Variants in PCNX2 observed in about 807,000 individuals in gnomAD.
The protein encoded by PCNX2 is pecanex 2.
Under a neutral mutation model 223.8 loss-of-function variants are expected in PCNX2, and 168 were observed. The observed-to-expected ratio is 0.75, with a 90% CI of 0.66 to 0.85. PCNX2 has a LOEUF of 0.85. Ranked by LOEUF, PCNX2 falls within the 40% of genes least tolerant of loss-of-function variation. The pLI is 0.00. For missense variants in PCNX2, 2,507 were observed against 2,675.5 expected, an observed-to-expected ratio of 0.94 and a Z score of 1.39; for synonymous variants, 1,006 against 1,052.6, an observed-to-expected ratio of 0.96 and a Z score of 0.86.
chr1:233,196,203 A>T (rs2102887141), intron 15 of PCNX2, among the ~76,000 whole-genome samples: 1 of 152,286 alleles, frequency 6.6e-6, no homozygotes. Context: ...CACAAAAATC[A>T]TCTCAAAAGA....
chr1:233,195,362 C>T (rs573922118), intron 15 of PCNX2, among the ~76,000 whole-genome samples: 34 of 152,302 alleles, frequency 2.2e-4, no homozygotes, highest in African/African-American at 7.7e-4. Context: ...TAACTTCATA[C>T]TTAATGGTGA....
At chr1:233,093,107 T>C (rs775892217) in intron 22 of PCNX2, among the ~76,000 whole-genome samples, 1 of 152,098 alleles carries the variant, frequency 6.6e-6, no homozygotes, top group Non-Finnish European at 1.5e-5. Context: ...CCAGAAAACA[T>C]CAATTATTAA....
At chr1:233,144,970 CT>C (rs71173253) in intron 19 of PCNX2, among the ~76,000 whole-genome samples, 2,759 of 112,862 alleles carry the variant, frequency 0.024, 38 homozygotes, top group African/African-American at 0.13. Flanking sequence ...TTTTTTGTTT[CT>C]TTTTTTTTTT....
At chr1:233,229,910 G>T (rs924325390) in intron 9 of PCNX2, among the ~76,000 whole-genome samples, 1 of 151,998 alleles carries the variant, frequency 6.6e-6, no homozygotes, top group Admixed American at 6.6e-5. Context: ...TATCAAAGAA[G>T]CCCAGAGTTA....
rs1259187214 is a variant in PCNX2 at position 233,016,778 on chromosome 1, A to G, written c.4839+143T>C. ...TCCTATTTAATTTTGCTTACCTTCA[A>G]TAAACATCTGTCCAAATAGTGCTTT... On this transcript the variant is annotated intron_variant, in intron 27 of 33. Transcript: ENST00000258229. 3 of 1,421,686 alleles carry G rather than the reference A, an allele frequency of 2.1e-6. No homozygotes were observed. In the South Asian group the frequency reaches 4.8e-5, roughly 23 times the overall value. 88.1% of individuals were successfully genotyped at this position (1,421,686 alleles called of 1,614,324 possible).
the PCNX2 span, among the ~76,000 whole-genome samples, chr1:233,309,296 C>T: frequency 6.6e-6 from 1 of 152,220 alleles, no homozygotes; most frequent in Admixed American, 6.5e-5. Context: ...AATCCCATGG[C>T]TTTGGGAGGC....
chr1:233,114,678 A>G (rs1347925883), intron 21 of PCNX2, among the ~76,000 whole-genome samples: 1 of 152,220 alleles, frequency 6.6e-6, no homozygotes, highest in Non-Finnish European at 1.5e-5. Flanking sequence ...CAGCGGTCAC[A>G]GAAAACTCTG....
At chr1:233,087,443 G>A (rs1199825545) in intron 23 of PCNX2, among the ~76,000 whole-genome samples, 1 of 152,176 alleles carries the variant, frequency 6.6e-6, no homozygotes, top group Non-Finnish European at 1.5e-5. Flanking sequence ...CAGGATAAAT[G>A]ACGTTAACTG....
intron 19 of PCNX2, among the ~76,000 whole-genome samples, chr1:233,142,283 A>G (rs77624737): frequency 1.1e-3 from 163 of 152,284 alleles, no homozygotes; most frequent in Middle Eastern, 3.4e-3. Context: ...GTAAAAAAAA[A>G]TCTTCAAGAC....
At chr1:233,303,115 GCA>G in the PCNX2 span, among the ~76,000 whole-genome samples, 6 of 148,952 alleles carry the variant, frequency 4.0e-5, no homozygotes, top group Non-Finnish European at 8.9e-5. Flanking sequence ...AAATACAAAT[GCA>G]CACACACACA....
chr1:232,990,114 G>GA lies in PCNX2; in HGVS notation c.5792-3575dup, dbSNP rs1308009826. ...TTTTACTTAACTAGAAGGAGGGTGA[G>GA]AAGGAGGCCAGAGACTGAAATCAAA... On this transcript the variant is annotated intron_variant, in intron 32 of 33. Coordinates refer to ENST00000258229, the MANE Select transcript of PCNX2 (RefSeq NM_014801.4). This position sits in a 1 kb window ranked among gnomAD's most constrained non-coding sequence, Gnocchi z 4.3. Among the ~76,000 whole-genome samples, 1 of 152,234 alleles carries GA rather than the reference G, an allele frequency of 6.6e-6. No homozygotes were observed. The highest frequency in any genetic ancestry group is 1.5e-5 in the Non-Finnish European group (1 of 68,036).
At chr1:233,226,767 G>A (rs926191225) in intron 10 of PCNX2, among the ~76,000 whole-genome samples, 1 of 152,186 alleles carries the variant, frequency 6.6e-6, no homozygotes, top group East Asian at 1.9e-4. Context: ...CAAGGTGTCC[G>A]GGAAAGAGGC....
At chr1:233,054,185 CA>C in intron 25 of PCNX2, 82 bp downstream of exon 25, 1 of 1,288,822 alleles carries the variant, frequency 7.8e-7, no homozygotes, top group East Asian at 2.5e-5. Context: ...TCCTGTTTAA[CA>C]GTGACTTCTT....
chr1:233,049,928 C>CT (rs1671942270), intron 25 of PCNX2, among the ~76,000 whole-genome samples: 1 of 151,932 alleles, frequency 6.6e-6, no homozygotes, highest in Non-Finnish European at 1.5e-5. Context: ...TAAAAGATCT[C>CT]TACAAAGAGA....
At chr1:233,066,028 C>T (rs1367851177) in intron 23 of PCNX2, among the ~76,000 whole-genome samples, 1 of 152,220 alleles carries the variant, frequency 6.6e-6, no homozygotes, top group Non-Finnish European at 1.5e-5. Context: ...TGCACTCCCC[C>T]ATTCCGAGCC....
intron 1 of PCNX2, among the ~76,000 whole-genome samples, chr1:233,270,631 A>T (rs1389152590): frequency 6.6e-6 from 1 of 152,236 alleles, no homozygotes; most frequent in Non-Finnish European, 1.5e-5. Flanking sequence ...CCTGCAAAGT[A>T]AGATGAACAA....
chr1:233,195,900 T>G (rs955995040), intron 15 of PCNX2, among the ~76,000 whole-genome samples: 1 of 152,114 alleles, frequency 6.6e-6, no homozygotes, highest in African/African-American at 2.4e-5. Context: ...TTTTGCAAAT[T>G]TTGGTAGGAA....
intron 22 of PCNX2, among the ~76,000 whole-genome samples, chr1:233,090,886 A>C (rs1246468120): frequency 6.6e-6 from 1 of 152,232 alleles, no homozygotes; most frequent in African/African-American, 2.4e-5. Flanking sequence ...GTAATTGCTC[A>C]ATATTAAACT....
At chr1:233,320,661 T>C in the PCNX2 span, among the ~76,000 whole-genome samples, 13,611 of 152,236 alleles carry the variant, frequency 0.089, 636 homozygotes, top group South Asian at 0.12. Flanking sequence ...AAACCATTGT[T>C]AATGAACTTT....
Sources: gnomAD v4.1 joint callset for allele counts (sites outside exome capture counted in the v4.1 genomes callset) on GRCh38, gnomAD v4.1.1 for gene constraint, Gnocchi (gnomAD v3.1) non-coding constraint, MANE v1.5 for transcripts, NCBI Gene and HGNC (gene_info 2026-07-23, HGNC 2026-07-21) for gene names.